Variants in DGAT2L6 observed in about 807,000 individuals in gnomAD.
DGAT2L6 encodes diacylglycerol O-acyltransferase 2-like protein 6.
Under a neutral mutation model 25.5 loss-of-function variants are expected in DGAT2L6, and 22 were observed. The observed-to-expected ratio is 0.86, with a 90% CI of 0.62 to 1.23. DGAT2L6 has a LOEUF of 1.23. Ranked by LOEUF, DGAT2L6 falls within the 50% of genes most tolerant of loss-of-function variation. DGAT2L6 has a pLI of 0.00. For missense variants in DGAT2L6, 287 were observed against 253.2 expected (o/e 1.13, Z -0.91); for synonymous variants, 100 against 94.7 (o/e 1.06, Z -0.32).
chrX:70,204,319 C>G lies in DGAT2L6; in HGVS notation c.662C>G (p.Pro221Arg). The G allele has an allele frequency of 2.5e-6, 3 of 1,206,596 alleles. No individual in the cohort carries two copies. The highest frequency in any genetic ancestry group is 3.4e-6 in the Non-Finnish European group (3 of 892,762). ...MALQTGAYLV[P>R]SYSFGENEVF... The stretch of plus-strand genomic sequence containing the variant: ...TCTCTTTGCAGGGCATACCTTGTCC[C>G]TTCATATTCCTTTGGTGAGAACGAA... The change falls in exon 6 of 7, where the codon CCT becomes CGT. Residue 221 changes from proline (P) to arginine (R), a missense_variant. Transcript: ENST00000333026.
At chrX:70,183,300 T>G (rs1434770699) in intron 1 of DGAT2L6, among the ~76,000 whole-genome samples, 1 of 112,034 alleles carries the variant, frequency 8.9e-6, no homozygotes, top group African/African-American at 3.3e-5. Flanking sequence ...GGAAATGTAC[T>G]CTCCCACTCC....
intron 5 of DGAT2L6, among the ~76,000 whole-genome samples, chrX:70,202,511 C>T (rs761185519): frequency 1.8e-5 from 2 of 112,133 alleles, no homozygotes; most frequent in Non-Finnish European, 3.8e-5. Context: ...GGAACACCCA[C>T]TGTATATCAG....
intron 1 of DGAT2L6, 113 bp downstream of exon 1, chrX:70,177,780 A>G: frequency 1.5e-6 from 1 of 665,461 alleles, no homozygotes; most frequent in Non-Finnish European, 2.3e-6. Context: ...ACCCTCTGGG[A>G]AGGATCTGGC....
intron 1 of DGAT2L6, among the ~76,000 whole-genome samples, chrX:70,182,469 CTTTTTTTTTTTTTTTTT>C (rs1171530335): frequency 2.0e-5 from 1 of 49,137 alleles, no homozygotes; most frequent in African/African-American, 1.0e-4. Context: ...TCAAAAGCAT[CTTTTTTTTTTTTTTTTT>C]TTTTTTTTTT....
intron 2 of DGAT2L6, 93 bp downstream of exon 2, chrX:70,199,474 A>C: frequency 9.6e-6 from 3 of 312,814 alleles, no homozygotes; most frequent in Non-Finnish European, 1.2e-5. Context: ...AACCAAGGGT[A>C]GGGGAGAGGG....
intron 5 of DGAT2L6, among the ~76,000 whole-genome samples, chrX:70,202,457 T>C (rs1244829401): frequency 1.8e-5 from 2 of 111,669 alleles, no homozygotes; most frequent in African/African-American, 6.5e-5. Context: ...CCAAAGAGCA[T>C]ACAATCTGGT....
intron 5 of DGAT2L6, among the ~76,000 whole-genome samples, chrX:70,203,727 T>G (rs1458653457): frequency 9.1e-6 from 1 of 110,177 alleles, no homozygotes; most frequent in Non-Finnish European, 1.9e-5. Flanking sequence ...TTGGGGGAAA[T>G]GAAGTGGTCA....
At chrX:70,193,465 A>T (rs761901444) in intron 1 of DGAT2L6, among the ~76,000 whole-genome samples, 1 of 111,625 alleles carries the variant, frequency 9.0e-6, no homozygotes, top group South Asian at 3.8e-4. Flanking sequence ...TTACAGGCCC[A>T]TATCCCTGAT....
intron 1 of DGAT2L6, among the ~76,000 whole-genome samples, chrX:70,179,193 C>A (rs2085335678): frequency 8.9e-6 from 1 of 112,302 alleles, no homozygotes; most frequent in Non-Finnish European, 1.9e-5. Context: ...TTATTAAAAT[C>A]AAAACATGCT....
At chrX:70,181,531 A>T (rs913901825) in intron 1 of DGAT2L6, among the ~76,000 whole-genome samples, 2 of 112,256 alleles carry the variant, frequency 1.8e-5, no homozygotes, top group African/African-American at 6.5e-5. Context: ...GGTGCCTAAG[A>T]CATTCAAATA....
chrX:70,190,635 G>A (rs184271118), intron 1 of DGAT2L6, among the ~76,000 whole-genome samples: 1 of 112,118 alleles, frequency 8.9e-6, no homozygotes, highest in East Asian at 2.8e-4. Flanking sequence ...GCCAATCTTG[G>A]TCCCAGCAGT....
chrX:70,182,778 C>A (rs1216782273), intron 1 of DGAT2L6, among the ~76,000 whole-genome samples: 1 of 111,477 alleles, frequency 9.0e-6, no homozygotes, highest in Non-Finnish European at 1.9e-5. Context: ...CTCAGCCTCC[C>A]GAGTAGCTGG....
chrX:70,202,338 G>A (rs1452551540), intron 5 of DGAT2L6, among the ~76,000 whole-genome samples: 1 of 111,915 alleles, frequency 8.9e-6, no homozygotes, highest in African/African-American at 3.3e-5. Context: ...CTGGGAAAGC[G>A]GGGCTTCACT....
At position 70,205,588 on chromosome X, in the gene DGAT2L6, C is replaced by A. The variant is rs754842438; in HGVS notation, c.*482C>A. 9 of 113,452 alleles carry A rather than the reference C, an allele frequency of 7.9e-5. No homozygotes were observed. The highest frequency in any genetic ancestry group is 1.7e-4 in the Non-Finnish European group (9 of 54,315). 9.3% of individuals were successfully genotyped at this position (113,452 alleles called of 1,213,427 possible). ...CCACAAGGTAAACCAGGGACCTGAA[C>A]TGTAGCTGCCTGGTCCAAGCAGACA... On this transcript the variant is annotated 3_prime_UTR_variant, in exon 7 of 7. Coordinates refer to ENST00000333026, the MANE Select transcript of DGAT2L6 (RefSeq NM_198512.3).
At chrX:70,189,230 G>T (rs978236669) in intron 1 of DGAT2L6, among the ~76,000 whole-genome samples, 1 of 110,809 alleles carries the variant, frequency 9.0e-6, no homozygotes, top group Admixed American at 9.7e-5. Context: ...AAAATCCCAA[G>T]GACTCTACTT....
chrX:70,201,638 G>A (rs1015938858), intron 4 of DGAT2L6, among the ~76,000 whole-genome samples: 2 of 110,660 alleles, frequency 1.8e-5, no homozygotes, highest in Non-Finnish European at 3.8e-5. Flanking sequence ...GGCTATGGAT[G>A]GTAGGAGGCA....
In DGAT2L6 at chrX:70,205,259, C is replaced by A. The variant is rs1163524403; in HGVS notation, c.*153C>A. The A allele has an allele frequency of 3.0e-6, 2 of 659,447 alleles. No individual in the cohort carries two copies. Among genetic ancestry groups the A allele is most frequent in the East Asian group, 8.6e-5 (2 of 23,328 alleles). 54.3% of individuals were successfully genotyped at this position (659,447 alleles called of 1,213,427 possible). On this transcript the variant is annotated 3_prime_UTR_variant, in exon 7 of 7. Transcript: ENST00000333026. ...ATTATTTAATAAATCAGAGTTCTAG[C>A]AATAGAGTCCTCTCCCAAGTGGCTG...
chrX:70,200,817 G>A (rs936971390), intron 4 of DGAT2L6, among the ~76,000 whole-genome samples: 12 of 111,949 alleles, frequency 1.1e-4, no homozygotes, highest in African/African-American at 3.6e-4. Context: ...TAGCTCAGGC[G>A]AACTTCACCA....
intron 1 of DGAT2L6, among the ~76,000 whole-genome samples, chrX:70,183,663 T>C (rs913613621): frequency 5.4e-5 from 6 of 112,009 alleles, no homozygotes; most frequent in East Asian, 2.8e-4. Context: ...TTCACTCTTA[T>C]TCTTTTTTCT....
Sources: gnomAD v4.1 joint callset for allele counts (sites outside exome capture counted in the v4.1 genomes callset) on GRCh38, gnomAD v4.1.1 for gene constraint, MANE v1.5 for transcripts, NCBI Gene and HGNC (gene_info 2026-07-23, HGNC 2026-07-21) for gene names.